The following NAALADL2 variants were observed in gnomAD, a reference collection of about 807,000 sequenced individuals.
NAALADL2 encodes N-acetylated alpha-linked acidic dipeptidase like 2.
Under a neutral mutation model 87.2 loss-of-function variants are expected in NAALADL2, and 76 were observed. The ratio of observed to expected loss-of-function variants is 0.87; its 90% CI spans 0.72 to 1.05. The LOEUF is 1.05. Ranked by LOEUF, NAALADL2 falls within the 50% of genes least tolerant of loss-of-function variation. NAALADL2 has a pLI of 0.00. For missense variants in NAALADL2, 1,089 were observed against 945.8 expected, an observed-to-expected ratio of 1.15 and a Z score of -1.99; for synonymous variants, 354 against 331.0, an observed-to-expected ratio of 1.07 and a Z score of -0.75.
intron 2 of NAALADL2, among the ~76,000 whole-genome samples, chr3:174,645,403 A>AT (rs1369243155): frequency 2.6e-5 from 4 of 152,274 alleles, no homozygotes; most frequent in African/African-American, 9.6e-5. Context: ...AGGAATAGGC[A>AT]TTTTTTGTTC....
At chr3:175,005,400 A>G (rs1748880757) in intron 1 of NAALADL2, among the ~76,000 whole-genome samples, 1 of 152,198 alleles carries the variant, frequency 6.6e-6, no homozygotes. Flanking sequence ...TACACTTTAT[A>G]ATAACCTATT....
intron 2 of NAALADL2, among the ~76,000 whole-genome samples, chr3:174,598,963 T>C (rs1024941298): frequency 6.6e-6 from 1 of 152,150 alleles, no homozygotes; most frequent in Non-Finnish European, 1.5e-5. Context: ...TATGCAGATG[T>C]ATGGTAACAG....
At chr3:175,686,217 C>A (rs1582891654) in intron 11 of NAALADL2, among the ~76,000 whole-genome samples, 1 of 152,078 alleles carries the variant, frequency 6.6e-6, no homozygotes, top group South Asian at 2.1e-4. Context: ...ACAAAAGTAA[C>A]AATGAACAAA....
rs368457644 is a variant in NAALADL2, at chr3:174,705,782, C to CAAA, written c.-114-31842_-114-31840dup. On this transcript the variant is annotated intron_variant, in intron 2 of 3. Transcript: ENST00000434257. ...TGGGCGACAGAGCGAGACTCCGTCTCAAAAAAAAAAAAAAAAAAATGTCAG... is the reference window on the plus strand; with the variant it reads ...TGGGCGACAGAGCGAGACTCCGTCTCAAAAAAAAAAAAAAAAAAAAAATGTCAG... Among the ~76,000 whole-genome samples, 338 of 114,452 alleles carry CAAA rather than the reference C, an allele frequency of 3.0e-3. 4 individuals are homozygous for CAAA. The highest frequency in any genetic ancestry group is 7.0e-3 in the African/African-American group (200 of 28,424). 75.1% of individuals were successfully genotyped at this position (114,452 alleles called of 152,430 possible).
intron 2 of NAALADL2, among the ~76,000 whole-genome samples, chr3:174,670,304 T>C (rs1422348202): frequency 6.6e-6 from 1 of 152,086 alleles, no homozygotes; most frequent in Non-Finnish European, 1.5e-5. Context: ...TGGACATCCT[T>C]CACATACACC....
chr3:175,714,837 A>T (rs2150011807), intron 11 of NAALADL2, among the ~76,000 whole-genome samples: 1 of 152,240 alleles, frequency 6.6e-6, no homozygotes, highest in Non-Finnish European at 1.5e-5. Context: ...ATGTTCAAAA[A>T]ACTGAAACTG....
At chr3:175,247,414 G>A (rs1213875731) in intron 3 of NAALADL2, among the ~76,000 whole-genome samples, 1 of 152,140 alleles carries the variant, frequency 6.6e-6, no homozygotes, top group Non-Finnish European at 1.5e-5. Context: ...AGTGGTTGTA[G>A]TATTGAATGG....
At chr3:174,796,314 A>G (rs918810886) in intron 3 of NAALADL2, among the ~76,000 whole-genome samples, 3 of 152,188 alleles carry the variant, frequency 2.0e-5, no homozygotes, top group Non-Finnish European at 4.4e-5. Flanking sequence ...TAATGCATTC[A>G]TCATCTGAAT....
intron 4 of NAALADL2, among the ~76,000 whole-genome samples, chr3:175,262,412 T>C (rs1049844327): frequency 2.0e-5 from 3 of 152,086 alleles, no homozygotes; most frequent in Non-Finnish European, 4.4e-5. Context: ...ACATTTGCTC[T>C]ACTTTTCTTG....
At chr3:174,938,495 T>A (rs1219594490) in intron 1 of NAALADL2, among the ~76,000 whole-genome samples, 1 of 152,120 alleles carries the variant, frequency 6.6e-6, no homozygotes, top group Non-Finnish European at 1.5e-5. Flanking sequence ...TTCGTGTGCC[T>A]GTGTCTGTAT....
chr3:174,590,373 T>C (rs533524470), intron 2 of NAALADL2, among the ~76,000 whole-genome samples: 3 of 152,182 alleles, frequency 2.0e-5, no homozygotes, highest in Non-Finnish European at 4.4e-5. Flanking sequence ...CAATACATAA[T>C]ATTTTAAAAG....
intron 5 of NAALADL2, among the ~76,000 whole-genome samples, chr3:175,397,550 C>T (rs1262765412): frequency 6.6e-6 from 1 of 152,144 alleles, no homozygotes; most frequent in Non-Finnish European, 1.5e-5. Flanking sequence ...GCAGCAGTGA[C>T]ATCCAGTTAT....
chr3:175,223,408 C>T (rs1401980949), intron 2 of NAALADL2, among the ~76,000 whole-genome samples: 6 of 149,940 alleles, frequency 4.0e-5, no homozygotes, highest in East Asian at 2.0e-4. Context: ...CTGGCTAATT[C>T]GATATTAGCA....
At chr3:174,571,823 A>T (rs561251867) in intron 2 of NAALADL2, among the ~76,000 whole-genome samples, 1 of 152,318 alleles carries the variant, frequency 6.6e-6, no homozygotes, top group East Asian at 1.9e-4. Context: ...CAAGAAAAAA[A>T]ATATGTCTGA....
At chr3:175,591,073 A>G (rs1389238079) in intron 10 of NAALADL2, among the ~76,000 whole-genome samples, 2 of 152,154 alleles carry the variant, frequency 1.3e-5, no homozygotes, top group Non-Finnish European at 2.9e-5. Flanking sequence ...GCACTCTATC[A>G]TTCCCTGATA....
At chr3:175,594,746 T>C (rs1480359033) in intron 10 of NAALADL2, among the ~76,000 whole-genome samples, 1 of 152,200 alleles carries the variant, frequency 6.6e-6, no homozygotes, top group Non-Finnish European at 1.5e-5. Context: ...TGCATTTCTC[T>C]GATGATAAGT....
At chr3:174,576,004 CAG>C (rs1003941697) in intron 2 of NAALADL2, among the ~76,000 whole-genome samples, 7 of 152,062 alleles carry the variant, frequency 4.6e-5, no homozygotes, top group Non-Finnish European at 8.8e-5. Context: ...GCTGGGATTA[CAG>C]GCATGCACCA....
intron 5 of NAALADL2, among the ~76,000 whole-genome samples, chr3:175,390,557 G>A (rs1213070260): frequency 1.3e-5 from 2 of 152,074 alleles, no homozygotes; most frequent in African/African-American, 2.4e-5. Flanking sequence ...TTTGAGCTTC[G>A]GGATGAGAGA....
chr3:174,614,706 A>T lies in NAALADL2; in HGVS notation c.-115+64069A>T, dbSNP rs746939224. ...GCTCTTATGAAGGTATTTTTAAAAA[A>T]TTTTTTCTGTAGATATTTGTTAAAT... On this transcript the variant is annotated intron_variant, in intron 2 of 3. Coordinates refer to the NAALADL2 transcript ENST00000434257. Among the ~76,000 whole-genome samples, 58 of 151,978 alleles carry T rather than the reference A, an allele frequency of 3.8e-4. 1 individual carries two copies. The highest frequency in any genetic ancestry group is 4.2e-4 in the South Asian group (2 of 4,806).
Sources: allele counts gnomAD v4.1 joint callset (sites outside exome capture counted in the v4.1 genomes callset), GRCh38; gene constraint gnomAD v4.1.1; transcripts MANE v1.5; gene names NCBI Gene and HGNC (gene_info 2026-07-23, HGNC 2026-07-21).